Variants in GOLGA8B observed in about 807,000 individuals in gnomAD.
GOLGA8B encodes golgin subfamily A member 8B.
GOLGA8B carries 1 observed loss-of-function variant against 15.6 expected under a neutral mutation model. That is an observed-to-expected ratio of 0.06 (90% CI 0.02 to 0.30). The LOEUF (loss-of-function observed/expected upper bound fraction) is 0.30. Among genes scored for constraint, GOLGA8B ranks in the 10% least tolerant of loss-of-function variants. The pLI is 1.00. For synonymous variants in GOLGA8B, 9 were observed against 80.3 expected (o/e 0.11, Z 4.75); for missense variants, 17 against 201.3 (o/e 0.08, Z 5.54).
At chr15:34,577,740 G>A (rs1889121674) in intron 1 of GOLGA8B, among the ~76,000 whole-genome samples, 2 of 152,094 alleles carry the variant, frequency 1.3e-5, no homozygotes, top group Admixed American at 6.5e-5. Context: ...CTGAAGGTGT[G>A]TATCTAAACA....
At position 34,566,498 on chromosome 15, in the gene GOLGA8B, C is replaced by A. The variant is rs1888763277; in HGVS notation, c.-1122-12542G>T. 2.1e-5 allele frequency: 3 copies of A among 141,184 alleles called. No homozygotes were observed. The South Asian group carries it at 6.6e-4, about 31-fold the overall frequency. 8.7% of individuals were successfully genotyped at this position (141,184 alleles called of 1,614,324 possible). Reference sequence around the variant, plus strand: ...CCTGGGGTATCACAAAGAGAAGCCTCAGTGTAAAATCAACAATCTCAGTGG... The same window carrying A: ...CCTGGGGTATCACAAAGAGAAGCCTAAGTGTAAAATCAACAATCTCAGTGG... On this transcript the variant is annotated intron_variant, in intron 1 of 23. Transcript: ENST00000683415.
At chr15:34,566,000 G>A (rs1471863721) in intron 1 of GOLGA8B, 1 of 93,828 alleles carries the variant, frequency 1.1e-5, no homozygotes, top group African/African-American at 3.7e-5. Context: ...GGGGACAGTA[G>A]TTAGCCCTAA....
At chr15:34,570,736 T>A (rs1487135727) in intron 1 of GOLGA8B, among the ~76,000 whole-genome samples, 1 of 111,846 alleles carries the variant, frequency 8.9e-6, no homozygotes, top group Non-Finnish European at 2.0e-5. Flanking sequence ...GCCCACAAAT[T>A]TAAAAGGCAA....
At chr15:34,564,783 T>C (rs551809054) in intron 1 of GOLGA8B, among the ~76,000 whole-genome samples, 1 of 143,544 alleles carries the variant, frequency 7.0e-6, no homozygotes, top group African/African-American at 2.5e-5. Flanking sequence ...AAGGCTAAAT[T>C]ATAGGAAGAA....
chr15:34,580,829 T>C (rs532572876), intron 1 of GOLGA8B, among the ~76,000 whole-genome samples: 4 of 151,756 alleles, frequency 2.6e-5, no homozygotes, highest in Non-Finnish European at 5.9e-5. Flanking sequence ...CATCTCAAAC[T>C]TGACCTACAC....
intron 1 of GOLGA8B, among the ~76,000 whole-genome samples, chr15:34,570,635 G>A (rs1384059877): frequency 3.2e-5 from 4 of 125,944 alleles, no homozygotes; most frequent in East Asian, 2.1e-4. Context: ...AAAGGTCGAC[G>A]ATGGCAAATG....
At chr15:34,577,845 G>A (rs531634188) in intron 1 of GOLGA8B, among the ~76,000 whole-genome samples, 1 of 152,338 alleles carries the variant, frequency 6.6e-6, no homozygotes, top group South Asian at 2.1e-4. Flanking sequence ...ATGAATGGAA[G>A]TTGCTCCGGT....
At chr15:34,574,958 C>A (rs1465032485) in intron 1 of GOLGA8B, 1 of 149,990 alleles carries the variant, frequency 6.7e-6, no homozygotes, top group African/African-American at 2.4e-5. Flanking sequence ...CCTGGCCTAT[C>A]GAGGCCGTGG....
chr15:34,576,173 C>A (rs1303999237), intron 1 of GOLGA8B, among the ~76,000 whole-genome samples: 2 of 152,030 alleles, frequency 1.3e-5, no homozygotes, highest in East Asian at 3.9e-4. Flanking sequence ...CCAGGGTTGC[C>A]AAAGTGAGGG....
intron 1 of GOLGA8B, among the ~76,000 whole-genome samples, chr15:34,581,949 C>T (rs1299927131): frequency 6.6e-6 from 1 of 152,198 alleles, no homozygotes; most frequent in Non-Finnish European, 1.5e-5. Flanking sequence ...GGGCTGCCGG[C>T]ACACAGCTGC....
chr15:34,582,408 C>G (rs192765235), intron 1 of GOLGA8B, among the ~76,000 whole-genome samples: 1 of 152,330 alleles, frequency 6.6e-6, no homozygotes, highest in African/African-American at 2.4e-5. Flanking sequence ...CAAACAAAAG[C>G]AGAAAGAGGC....
At chr15:34,563,807 T>A (rs1888685572) in intron 1 of GOLGA8B, among the ~76,000 whole-genome samples, 2 of 144,700 alleles carry the variant, frequency 1.4e-5, no homozygotes. Flanking sequence ...CCTGATGAAA[T>A]TTTCCTAATT....
intron 1 of GOLGA8B, among the ~76,000 whole-genome samples, chr15:34,582,220 T>C (rs548518138): frequency 6.6e-5 from 10 of 152,300 alleles, no homozygotes; most frequent in African/African-American, 1.4e-4. Context: ...GAGAAACCCC[T>C]GCCTCACCTC....
At chr15:34,580,262 C>T (rs1955694440) in intron 1 of GOLGA8B, among the ~76,000 whole-genome samples, 1 of 152,284 alleles carries the variant, frequency 6.6e-6, no homozygotes, top group Admixed American at 6.5e-5. Context: ...TGCCTGGAGC[C>T]AGGAGAGCCT....
At position 34,543,110 on chromosome 15, in the gene GOLGA8B, C is replaced by A. The variant is rs1298693300; in HGVS notation, c.-382+1748G>T. On this transcript the variant is annotated intron_variant, in intron 7 of 23. Coordinates refer to ENST00000683415, the MANE Select transcript of GOLGA8B (RefSeq NM_001023567.5). ...TACTTTTTGGAGATAATGGTCTAAC[C>A]AATTAATCCTTTCTTCTGGTGTCTA... Among the ~76,000 whole-genome samples the A allele has an allele frequency of 4.3e-4, 43 of 99,544 alleles. No homozygotes were observed. The East Asian group carries it at 0.01, about 24-fold the overall frequency. The allele number at this position is 99,544 out of a possible 152,430, so 65.3% of individuals were successfully genotyped here.
At chr15:34,581,759 G>A (rs1472837230) in intron 1 of GOLGA8B, among the ~76,000 whole-genome samples, 2 of 152,024 alleles carry the variant, frequency 1.3e-5, no homozygotes, top group African/African-American at 4.8e-5. Context: ...ACACTCCGTG[G>A]GACTCAGCCT....
At chr15:34,572,535 A>G (rs559845585) in intron 1 of GOLGA8B, among the ~76,000 whole-genome samples, 2 of 152,374 alleles carry the variant, frequency 1.3e-5, no homozygotes, top group African/African-American at 4.8e-5. Flanking sequence ...TCTTATTTAC[A>G]GTAGGATCCC....
intron 7 of GOLGA8B, among the ~76,000 whole-genome samples, chr15:34,544,634 T>TA (rs201420521): frequency 0.043 from 6,168 of 141,854 alleles, 10 homozygotes; most frequent in African/African-American, 0.15. Flanking sequence ...TAATAAAAAG[T>TA]AAAAAAAAGA....
At chr15:34,571,897 G>A (rs202155566) in intron 1 of GOLGA8B, among the ~76,000 whole-genome samples, 1 of 152,054 alleles carries the variant, frequency 6.6e-6, no homozygotes, top group East Asian at 1.9e-4. Flanking sequence ...GCATCTGAGA[G>A]AAAATATCCG....
Sources: allele counts gnomAD v4.1 joint callset (sites outside exome capture counted in the v4.1 genomes callset), GRCh38; gene constraint gnomAD v4.1.1; transcripts MANE v1.5; gene names NCBI Gene and HGNC (gene_info 2026-07-23, HGNC 2026-07-21).